DOCK4: variants seen among roughly 807,000 people sequenced by gnomAD.
DOCK4 encodes dedicator of cytokinesis 4.
DOCK4 carries 97 observed loss-of-function variants against 268.1 expected under a neutral mutation model. That is an observed-to-expected ratio of 0.36 (90% CI 0.31 to 0.43). The LOEUF is 0.43. DOCK4 is among the 20% of genes least tolerant of loss of function. DOCK4 has a pLI of 1.00. For synonymous variants in DOCK4, 954 were observed against 887.2 expected (o/e 1.08, Z -1.34); for missense variants, 2,145 against 2,455.7 (o/e 0.87, Z 2.67).
chr7:111,991,820 G>T (rs773286390), intron 5 of DOCK4, among the ~76,000 whole-genome samples: 2 of 151,944 alleles, frequency 1.3e-5, no homozygotes, highest in African/African-American at 2.4e-5. Flanking sequence ...AAATTAGCCA[G>T]GCGTGATGGT....
At chr7:112,164,162 T>C (rs1484797361) in intron 1 of DOCK4, among the ~76,000 whole-genome samples, 1 of 152,028 alleles carries the variant, frequency 6.6e-6, no homozygotes, top group Non-Finnish European at 1.5e-5. Flanking sequence ...GGCGCATGCC[T>C]CTAGGAGGCT....
intron 1 of DOCK4, among the ~76,000 whole-genome samples, chr7:112,012,628 C>T (rs1235860802): frequency 2.0e-5 from 3 of 151,916 alleles, no homozygotes; most frequent in Non-Finnish European, 4.4e-5. Flanking sequence ...ATTTTCCAAC[C>T]AATTGTACTT....
At chr7:111,983,862 G>GCGCGCACACACACACACACACACACA in intron 7 of DOCK4, among the ~76,000 whole-genome samples, 229 of 138,616 alleles carry the variant, frequency 1.7e-3, no homozygotes, top group East Asian at 4.3e-3. Context: ...GCGCGCGCGC[G>GCGCGCACACACACACACACACACACA]CACACACACA....
chr7:112,061,740 C>CACACACACACAA (rs1806418104), intron 1 of DOCK4, among the ~76,000 whole-genome samples: 1 of 3,956 alleles, frequency 2.5e-4, no homozygotes, highest in East Asian at 0.025. Context: ...TTAACAATGT[C>CACACACACACAA]ACACACACAC....
At chr7:112,046,627 C>A (rs949254874) in intron 1 of DOCK4, among the ~76,000 whole-genome samples, 2 of 152,242 alleles carry the variant, frequency 1.3e-5, no homozygotes, top group East Asian at 3.9e-4. Flanking sequence ...TTACTGCACT[C>A]CAGCCTGGGT....
At chr7:111,746,312 G>A in intron 44 of DOCK4, 22 bp downstream of exon 44, 1 of 1,600,598 alleles carries the variant, frequency 6.2e-7, no homozygotes, top group Non-Finnish European at 8.5e-7. Context: ...AATAGAAGGG[G>A]GTTGGCTTCT....
intron 13 of DOCK4, among the ~76,000 whole-genome samples, chr7:111,908,759 T>G (rs1791831282): frequency 6.6e-6 from 1 of 151,966 alleles, no homozygotes; most frequent in Admixed American, 6.6e-5. Flanking sequence ...CCATGTGTTC[T>G]CATTGTTCAA....
chr7:112,046,854 C>T (rs767263029), intron 1 of DOCK4, among the ~76,000 whole-genome samples: 5 of 152,116 alleles, frequency 3.3e-5, no homozygotes, highest in Non-Finnish European at 5.9e-5. Context: ...CATCCAACTC[C>T]CTGAGCTGAG....
intron 1 of DOCK4, among the ~76,000 whole-genome samples, chr7:112,128,627 G>T (rs531871878): frequency 1.4e-4 from 21 of 152,290 alleles, no homozygotes; most frequent in African/African-American, 4.8e-4. Context: ...CCAACCCTGT[G>T]CTCTCTGAAA....
intron 1 of DOCK4, among the ~76,000 whole-genome samples, chr7:112,061,819 T>C (rs1019369164): frequency 1.3e-5 from 2 of 151,554 alleles, no homozygotes; most frequent in African/African-American, 2.4e-5. Context: ...AACAGGTTCC[T>C]TTGCTGGAGG....
At chr7:111,859,992 C>A (rs1805367583) in intron 23 of DOCK4, among the ~76,000 whole-genome samples, 1 of 152,136 alleles carries the variant, frequency 6.6e-6, no homozygotes, top group Non-Finnish European at 1.5e-5. Context: ...TATTGTCCCT[C>A]TTCTTTCCCC....
intron 12 of DOCK4, among the ~76,000 whole-genome samples, chr7:111,934,064 G>C (rs1004763391): frequency 6.6e-6 from 1 of 152,134 alleles, no homozygotes; most frequent in Non-Finnish European, 1.5e-5. Context: ...TATATTCAAG[G>C]TGTTTTTAAA....
intron 44 of DOCK4, among the ~76,000 whole-genome samples, chr7:111,745,836 C>T (rs1226179591): frequency 1.3e-5 from 2 of 151,862 alleles, no homozygotes; most frequent in African/African-American, 4.8e-5. Flanking sequence ...ATCAGAAATC[C>T]TCCAAAATTT....
chr7:111,790,622 AT>A lies in DOCK4; in HGVS notation c.3167-18del. 1 of 1,576,312 alleles carries A rather than the reference AT, an allele frequency of 6.3e-7. No homozygotes were observed. The highest frequency in any genetic ancestry group is 8.6e-7 in the Non-Finnish European group (1 of 1,164,796). On this transcript the variant is annotated intron_variant, in intron 30 of 52. Transcript: ENST00000428084. ...TGTGCTCTCCTAAAGTGAGAAAAAT[AT>A]TTGAGTTTCAATATATTCAATCTTA...
rs1804365607 is a variant in DOCK4 at position 112,041,606 on chromosome 7, A to G, written c.38-37475T>C. On this transcript the variant is annotated intron_variant, in intron 1 of 52. Transcript: ENST00000428084. ...AGATTCCAAACCCAATACCATTTCTACTCTACCCATCTGTTTCTTGTTCCA... is the reference window on the plus strand; with the variant it reads ...AGATTCCAAACCCAATACCATTTCTGCTCTACCCATCTGTTTCTTGTTCCA... 2.0e-5 allele frequency among the ~76,000 whole-genome samples: 3 copies of G among 152,106 alleles called. No homozygotes were observed. The South Asian group carries it at 6.2e-4, about 31-fold the overall frequency.
Position 112,007,195 on chromosome 7 carries a change from A to G in DOCK4, c.38-3064T>C, listed in dbSNP as rs569307704. Among the ~76,000 whole-genome samples the G allele has an allele frequency of 2.8e-4, 43 of 152,298 alleles. No individual in the cohort carries two copies. The South Asian group carries it at 5.8e-3, about 21-fold the overall frequency. On this transcript the variant is annotated intron_variant, in intron 1 of 52. Coordinates refer to ENST00000428084, the MANE Select transcript of DOCK4 (RefSeq NM_001363540.2). The stretch of plus-strand genomic sequence containing the variant: ...GACCACACCTCAAATATAGTAAGGC[A>G]TCACATAATATTACAGCACTTCGTC...
intron 1 of DOCK4, among the ~76,000 whole-genome samples, chr7:112,099,326 A>G (rs901823159): frequency 6.6e-6 from 1 of 150,800 alleles, no homozygotes; most frequent in Non-Finnish European, 1.5e-5. Flanking sequence ...AAAGTAGTCC[A>G]AAGAAACCCT....
intron 1 of DOCK4, among the ~76,000 whole-genome samples, chr7:112,072,290 G>T (rs1477613207): frequency 6.6e-6 from 1 of 152,064 alleles, no homozygotes; most frequent in Admixed American, 6.6e-5. Context: ...ACAACAAGAA[G>T]TTAGTAAACA....
At chr7:111,923,833 G>T (rs1793365587) in intron 12 of DOCK4, among the ~76,000 whole-genome samples, 1 of 152,076 alleles carries the variant, frequency 6.6e-6, no homozygotes, top group South Asian at 2.1e-4. Flanking sequence ...TAGCATTCTG[G>T]CTAATATTTT....
Sources: allele counts gnomAD v4.1 joint callset (sites outside exome capture counted in the v4.1 genomes callset), GRCh38; gene constraint gnomAD v4.1.1; transcripts MANE v1.5; gene names NCBI Gene and HGNC (gene_info 2026-07-23, HGNC 2026-07-21).